Variants in DISC1 observed in about 807,000 individuals in gnomAD.
The protein encoded by DISC1 is DISC1 scaffold protein, also known as disrupted in schizophrenia 1 protein.
Under a neutral mutation model 84.5 loss-of-function variants are expected in DISC1, and 57 were observed. The ratio of observed to expected loss-of-function variants is 0.67; its 90% CI spans 0.55 to 0.84. The LOEUF (loss-of-function observed/expected upper bound fraction) is 0.84, where lower values mean the gene tolerates loss of function less well. Ranked by LOEUF, DISC1 falls within the 40% of genes least tolerant of loss-of-function variation. The probability of loss-of-function intolerance (pLI) is 0.00; values close to 1 mark genes in which losing one functional copy is unlikely to be tolerated. For missense variants in DISC1, 1,000 were observed against 1,057.8 expected (o/e 0.95, Z 0.76); for synonymous variants, 411 against 415.2 (o/e 0.99, Z 0.12).
At chr1:231,646,643 C>T (rs1298974344) in intron 1 of DISC1, among the ~76,000 whole-genome samples, 1 of 152,178 alleles carries the variant, frequency 6.6e-6, no homozygotes. Context: ...GCACTGTCTT[C>T]CACAATGGTT....
At chr1:231,646,058 CTT>C (rs80314007) in intron 1 of DISC1, among the ~76,000 whole-genome samples, 8,472 of 146,022 alleles carry the variant, frequency 0.058, 475 homozygotes, top group East Asian at 0.21. Flanking sequence ...ATGTACTTTT[CTT>C]TTTTTTTTTT....
Position 231,965,911 on chromosome 1 carries a change from A to G in DISC1, c.2042+7023A>G, listed in dbSNP as rs138180211. Among the ~76,000 whole-genome samples, 657 of 152,328 alleles carry G rather than the reference A, an allele frequency of 4.3e-3. 13 individuals carry two copies. The South Asian group carries it at 0.07, about 16-fold the overall frequency. On this transcript the variant is annotated intron_variant, in intron 10 of 12. Coordinates refer to ENST00000439617, the MANE Select transcript of DISC1 (RefSeq NM_018662.3). ...CCATGTACACGAATGTGTTGCATTC[A>G]CTCAGTCTGTCTAATTCTATTAGAC...
In DISC1 at chr1:231,626,866, G is replaced by T; in HGVS notation, c.-2G>T. ...GAGCGGGAGGAGCTGGCAGCGGGGC[G>T]CATGCCAGGCGGGGGTCCTCAGGGC... On this transcript the variant is annotated 5_prime_UTR_variant, in exon 1 of 13. Coordinates refer to ENST00000439617, the MANE Select transcript of DISC1 (RefSeq NM_018662.3). The T allele has an allele frequency of 6.9e-7, 1 of 1,459,832 alleles. No homozygotes were observed. The highest frequency in any genetic ancestry group is 2.7e-5 in the East Asian group (1 of 37,000). 90.4% of individuals were successfully genotyped at this position (1,459,832 alleles called of 1,614,324 possible). A position where few individuals can be genotyped will look rare whatever the true frequency, so the allele number is the denominator to read the frequency against.
At chr1:231,850,779 G>A (rs548865042) in intron 9 of DISC1, among the ~76,000 whole-genome samples, 6 of 152,300 alleles carry the variant, frequency 3.9e-5, no homozygotes, top group East Asian at 1.9e-4. Context: ...TAAAGGGTAC[G>A]TCTTTGGTTC....
intron 10 of DISC1, among the ~76,000 whole-genome samples, chr1:231,959,680 A>G (rs1386448626): frequency 1.3e-5 from 2 of 152,170 alleles, no homozygotes; most frequent in East Asian, 3.8e-4. Context: ...GCAGAGCCCT[A>G]CTCTTCAGGG....
chr1:231,979,731 A>G (rs181556816), intron 10 of DISC1, among the ~76,000 whole-genome samples: 316 of 151,392 alleles, frequency 2.1e-3, no homozygotes, highest in Non-Finnish European at 3.2e-3. Context: ...GTAATAGTAT[A>G]TTAGGAGTAT....
At chr1:231,965,391 G>C (rs1660946634) in intron 10 of DISC1, among the ~76,000 whole-genome samples, 1 of 152,070 alleles carries the variant, frequency 6.6e-6, no homozygotes, top group South Asian at 2.1e-4. Context: ...CAAATATCCA[G>C]GAGGGTGACT....
chr1:232,005,103 C>G (rs1291244914), intron 10 of DISC1, among the ~76,000 whole-genome samples: 1 of 136,802 alleles, frequency 7.3e-6, no homozygotes, highest in East Asian at 2.5e-4. Context: ...CTCCTTTCCT[C>G]CTTTTCTTAT....
chr1:231,909,705 T>G (rs2089023069), intron 9 of DISC1, among the ~76,000 whole-genome samples: 1 of 152,132 alleles, frequency 6.6e-6, no homozygotes, highest in African/African-American at 2.4e-5. Context: ...TTAGGGAGGA[T>G]TCCTTCTTTT....
chr1:231,713,796 T>TATATATATAGGAGAG (rs1558401648), intron 3 of DISC1, among the ~76,000 whole-genome samples: 7 of 136,974 alleles, frequency 5.1e-5, no homozygotes, highest in African/African-American at 1.6e-4. Flanking sequence ...ATATAGGAGA[T>TATATATATAGGAGAG]ATATATATAT....
chr1:231,862,087 G>T (rs2084707965), intron 9 of DISC1, among the ~76,000 whole-genome samples: 2 of 152,174 alleles, frequency 1.3e-5, no homozygotes, highest in South Asian at 4.1e-4. Context: ...CAGGAGGATG[G>T]CTCCAGCACC....
At chr1:231,854,036 G>C (rs1463496858) in intron 9 of DISC1, among the ~76,000 whole-genome samples, 2 of 152,226 alleles carry the variant, frequency 1.3e-5, no homozygotes, top group African/African-American at 2.4e-5. Flanking sequence ...CCACCTGGGT[G>C]GGGTGGTCAG....
At chr1:231,734,069 A>G (rs1237864028) in intron 3 of DISC1, among the ~76,000 whole-genome samples, 1 of 152,040 alleles carries the variant, frequency 6.6e-6, no homozygotes, top group Non-Finnish European at 1.5e-5. Flanking sequence ...ATTGCACTTA[A>G]AAAGAAGTGG....
chr1:231,972,173 A>G (rs965168904), intron 10 of DISC1, among the ~76,000 whole-genome samples: 1 of 152,158 alleles, frequency 6.6e-6, no homozygotes, highest in Non-Finnish European at 1.5e-5. Context: ...GCTCAGTAGA[A>G]TTTACTTTTG....
intron 11 of DISC1, among the ~76,000 whole-genome samples, chr1:232,014,340 A>G (rs1267131687): frequency 6.6e-6 from 1 of 152,210 alleles, no homozygotes; most frequent in Non-Finnish European, 1.5e-5. Context: ...TTTTGAAAAG[A>G]ACTGACAAGG....
At chr1:231,729,076 G>A (rs1482514457) in intron 3 of DISC1, among the ~76,000 whole-genome samples, 1 of 152,048 alleles carries the variant, frequency 6.6e-6, no homozygotes, top group Non-Finnish European at 1.5e-5. Context: ...CCACCTACGA[G>A]TGAGAACATG....
chr1:231,869,735 G>A (rs1469929075), intron 9 of DISC1, among the ~76,000 whole-genome samples: 1 of 152,078 alleles, frequency 6.6e-6, no homozygotes, highest in African/African-American at 2.4e-5. Flanking sequence ...ACTGCCCATT[G>A]GGCTCCACCT....
At chr1:231,979,801 CAACTT>C (rs1389125140) in intron 10 of DISC1, among the ~76,000 whole-genome samples, 1 of 151,752 alleles carries the variant, frequency 6.6e-6, no homozygotes, top group Non-Finnish European at 1.5e-5. Flanking sequence ...ACTATAAAAA[CAACTT>C]AAGATTTAAC....
intron 3 of DISC1, among the ~76,000 whole-genome samples, chr1:231,741,906 T>C (rs1233276187): frequency 6.6e-6 from 1 of 152,228 alleles, no homozygotes; most frequent in African/African-American, 2.4e-5. Flanking sequence ...AGGTCTTGCC[T>C]GGGGAACATC....
Sources: gnomAD v4.1 joint callset for allele counts (sites outside exome capture counted in the v4.1 genomes callset) on GRCh38, gnomAD v4.1.1 for gene constraint, MANE v1.5 for transcripts, NCBI Gene and HGNC (gene_info 2026-07-23, HGNC 2026-07-21) for gene names.